TRIM69: variants seen among roughly 807,000 people sequenced by gnomAD.
The protein encoded by TRIM69 is tripartite motif containing 69, also known as E3 ubiquitin-protein ligase TRIM69.
TRIM69 carries 29 observed loss-of-function variants against 37.7 expected under a neutral mutation model. The observed-to-expected ratio is 0.77, with a 90% confidence interval of 0.57 to 1.05. TRIM69 has a LOEUF of 1.05. Ranked by LOEUF, TRIM69 falls within the 50% of genes least tolerant of loss-of-function variation. TRIM69 has a pLI of 0.00. For synonymous variants in TRIM69, 209 were observed against 212.4 expected (o/e 0.98, Z 0.14); for missense variants, 596 against 579.9 (o/e 1.03, Z -0.28).
At chr15:44,741,489 A>G (rs2087284718) in intron 1 of TRIM69, among the ~76,000 whole-genome samples, 2 of 152,250 alleles carry the variant, frequency 1.3e-5, no homozygotes, top group African/African-American at 4.8e-5. Context: ...AAGGAAAAAG[A>G]GACACAATAA....
chr15:44,755,300 A>G lies in TRIM69; in HGVS notation c.407A>G (p.Gln136Arg). 6.2e-7 allele frequency: 1 copy of G among 1,614,192 alleles called. No individual in the cohort carries two copies. Among genetic ancestry groups the G allele is most frequent in the Non-Finnish European group, 8.5e-7 (1 of 1,180,030 alleles). The change falls in exon 2 of 7, where the codon CAA becomes CGA. Residue 136 changes from glutamine to arginine, a missense_variant. By Grantham distance (43) the Gln-to-Arg change is conservative. Transcript: ENST00000329464. ...SKPDGKLICFQCKDARLSVGQ... is the reference protein window; with the variant it reads ...SKPDGKLICFRCKDARLSVGQ... ...CCAGATGGGAAACTGATCTGCTTTCAATGCAAGGATGCTCGGTTGTCTGTG... is the reference window on the plus strand; with the variant it reads ...CCAGATGGGAAACTGATCTGCTTTCGATGCAAGGATGCTCGGTTGTCTGTG...
intron 6 of TRIM69, among the ~76,000 whole-genome samples, chr15:44,761,702 T>C (rs1216287278): frequency 6.6e-6 from 1 of 152,226 alleles, no homozygotes; most frequent in East Asian, 1.9e-4. Context: ...TGGCCTTAAG[T>C]GATCCATCCA....
chr15:44,758,823 C>A lies in TRIM69; in HGVS notation c.782C>A (p.Thr261Lys), dbSNP rs139044725. Reference sequence around the variant, plus strand: ...ATGTTGGTGAGCATTCAGGCAAAGACGGAACAACAGAACTCCTTCGACTTT... The same window carrying A: ...ATGTTGGTGAGCATTCAGGCAAAGAAGGAACAACAGAACTCCTTCGACTTT... ...KDMLVSIQAK[T>K]EQQNSFDFLK... Residue 261 changes from threonine to lysine, a missense_variant, in exon 4 of 7, where the codon ACG (threonine) becomes AAG (lysine). Coordinates refer to ENST00000329464, the MANE Select transcript of TRIM69 (RefSeq NM_182985.5). 124 of 1,613,828 alleles carry A rather than the reference C, an allele frequency of 7.7e-5. No homozygotes were observed. The highest frequency in any genetic ancestry group is 1.1e-4 in the Non-Finnish European group (124 of 1,179,892).
chr15:44,767,053 CAAAAA>C lies in TRIM69; in HGVS notation c.962-151_962-147del, dbSNP rs55736812. On this transcript the variant is annotated intron_variant, in intron 6 of 6. Transcript: ENST00000329464. ...CAGCCCTGGGCAACCTTGTCTGCCT[CAAAAA>C]AAAAAAAAAAAAAAAAAAAAAAAAA... Among the ~76,000 whole-genome samples the C allele has an allele frequency of 5.8e-4, 14 of 24,312 alleles. No homozygotes were observed. In the South Asian group the frequency reaches 0.012, roughly 20 times the overall value. 15.9% of individuals were successfully genotyped at this position (24,312 alleles called of 152,430 possible).
chr15:44,750,276 T>G (rs928272817), intron 1 of TRIM69, among the ~76,000 whole-genome samples: 7 of 152,250 alleles, frequency 4.6e-5, no homozygotes, highest in Non-Finnish European at 1.0e-4. Flanking sequence ...CAGAATGAAT[T>G]AGGAAGTGTT....
intron 6 of TRIM69, 53 bp downstream of exon 6, chr15:44,759,925 C>A: frequency 1.3e-6 from 2 of 1,572,590 alleles, no homozygotes; most frequent in South Asian, 2.3e-5. Context: ...TACGTTTAAT[C>A]TGTGGGACTT....
chr15:44,740,412 T>C (rs2087256255), intron 1 of TRIM69, among the ~76,000 whole-genome samples: 1 of 152,160 alleles, frequency 6.6e-6, no homozygotes, highest in Non-Finnish European at 1.5e-5. Context: ...AGAAGAAGGC[T>C]TCAGATGATC....
At chr15:44,765,726 C>T (rs1420975171) in intron 6 of TRIM69, among the ~76,000 whole-genome samples, 3 of 151,630 alleles carry the variant, frequency 2.0e-5, no homozygotes, top group African/African-American at 2.4e-5. Context: ...TGCACTCCAG[C>T]CTGGGGGACA....
rs1158517170 is a variant in TRIM69 at position 44,767,587 on chromosome 15, C to A, written c.1318C>A (p.Leu440Ile). Residue 440 changes from leucine to isoleucine, a missense_variant, in exon 7 of 7, where the codon CTC (leucine) becomes ATC (isoleucine). By Grantham distance (5) the Leu-to-Ile change is conservative. Coordinates refer to ENST00000329464, the MANE Select transcript of TRIM69 (RefSeq NM_182985.5). ...TTTCAGTCTGACACTGACTAACAAC[C>A]TCGACAAGGTGGGCATATACCTGGA... ...PSFSLTLTNN[L>I]DKVGIYLDYE... The A allele has an allele frequency of 6.2e-7, 1 of 1,614,194 alleles. No individual in the cohort carries two copies. Among genetic ancestry groups the A allele is most frequent in the Admixed American group, 1.7e-5 (1 of 60,034 alleles).
At chr15:44,759,592 A>G (rs1596033075) in intron 4 of TRIM69, 48 bp from the exon 5 acceptor site, 1 of 1,601,574 alleles carries the variant, frequency 6.2e-7, no homozygotes, top group Non-Finnish European at 8.5e-7. Flanking sequence ...AGAAATTTTG[A>G]GAGTTGATGA....
intron 1 of TRIM69, among the ~76,000 whole-genome samples, chr15:44,748,515 A>G (rs1301149779): frequency 1.3e-5 from 2 of 152,118 alleles, no homozygotes; most frequent in Admixed American, 6.5e-5. Context: ...AAAGCAGGAT[A>G]TTATTCAGTA....
chr15:44,744,200 G>C (rs1348441249), intron 1 of TRIM69, among the ~76,000 whole-genome samples: 1 of 147,146 alleles, frequency 6.8e-6, no homozygotes, highest in Non-Finnish European at 1.5e-5. Flanking sequence ...GTAAACTATT[G>C]CAAGGACAAA....
At chr15:44,746,069 C>CAAGGT (rs60875413) in intron 1 of TRIM69, among the ~76,000 whole-genome samples, 1 of 151,524 alleles carries the variant, frequency 6.6e-6, no homozygotes, top group African/African-American at 2.4e-5. Context: ...AGAGCCACAC[C>CAAGGT]AAGTTATAAT....
In TRIM69 at chr15:44,755,314, C is replaced by G. The variant is rs777717730; in HGVS notation, c.421C>G (p.Arg141Gly). The G allele has an allele frequency of 6.2e-7, 1 of 1,613,920 alleles. No homozygotes were observed. Among genetic ancestry groups the G allele is most frequent in the Non-Finnish European group, 8.5e-7 (1 of 1,180,022 alleles). Reference protein sequence around the residue: ...KLICFQCKDARLSVGQSKEFL... With the variant: ...KLICFQCKDAGLSVGQSKEFL... ...GATCTGCTTTCAATGCAAGGATGCT[C>G]GGTTGTCTGTGGGGCAGTCTAAGGA... is the stretch of plus-strand genomic sequence containing the variant. The change falls in exon 2 of 7, where the codon CGG (arginine) becomes GGG (glycine). Residue 141 changes from arginine (R) to glycine (G), a missense_variant. Physicochemically the swap from Arg to Gly is moderately radical, Grantham distance 125 (BLOSUM62 -2). Transcript: ENST00000329464.
In TRIM69 at chr15:44,765,788, A is replaced by C. The variant is rs74348486; in HGVS notation, c.962-1443A>C. 7.8e-3 allele frequency among the ~76,000 whole-genome samples: 1,124 copies of C among 144,140 alleles called. 5 individuals are homozygous for C. Among genetic ancestry groups the C allele is most frequent in the South Asian group, 0.047 (213 of 4,578 alleles). The allele number at this position is 144,140 out of a possible 152,430, so 94.6% of individuals were successfully genotyped here. ...AAAACAAAACAAACAAACAAACAAAAAAAAAACAGAGAGAGAGAAACTAGA... is the reference window on the plus strand; with the variant it reads ...AAAACAAAACAAACAAACAAACAAACAAAAAACAGAGAGAGAGAAACTAGA... On this transcript the variant is annotated intron_variant, in intron 6 of 6. Coordinates refer to ENST00000329464, the MANE Select transcript of TRIM69 (RefSeq NM_182985.5).
At position 44,750,715 on chromosome 15, in the gene TRIM69, C is replaced by CTTTTTTTTTTTTTTTTTTT. The variant is rs869059418; in HGVS notation, c.7-4176_7-4158dup. Among the ~76,000 whole-genome samples, 14 of 102,838 alleles carry CTTTTTTTTTTTTTTTTTTT rather than the reference C, an allele frequency of 1.4e-4. 7 individuals carry two copies. The highest frequency in any genetic ancestry group is 2.4e-4 in the Admixed American group (2 of 8,358). 67.5% of individuals were successfully genotyped at this position (102,838 alleles called of 152,430 possible). Reference sequence around the variant, plus strand: ...TCGCATTTTTATTTCATTACTTTTTCTTTTTTTTTTTTTTTTTTTTTTTTT... The same window carrying CTTTTTTTTTTTTTTTTTTT: ...TCGCATTTTTATTTCATTACTTTTTCTTTTTTTTTTTTTTTTTTTTTTTTTTTTTTTTTTTTTTTTTTTT... On this transcript the variant is annotated intron_variant, in intron 1 of 6. Transcript: ENST00000329464.
intron 6 of TRIM69, among the ~76,000 whole-genome samples, chr15:44,765,733 G>GA (rs2087871401): frequency 1.3e-5 from 2 of 150,308 alleles, no homozygotes; most frequent in African/African-American, 2.5e-5. Context: ...CAGCCTGGGG[G>GA]ACAGAGCAAG....
At chr15:44,747,761 G>T (rs1015639034) in intron 1 of TRIM69, among the ~76,000 whole-genome samples, 1 of 152,112 alleles carries the variant, frequency 6.6e-6, no homozygotes, top group African/African-American at 2.4e-5. Flanking sequence ...TCAATCAAAA[G>T]CATTTTCACA....
At chr15:44,751,394 G>T (rs1297384402) in intron 1 of TRIM69, among the ~76,000 whole-genome samples, 1 of 152,018 alleles carries the variant, frequency 6.6e-6, no homozygotes, top group African/African-American at 2.4e-5. Flanking sequence ...AGGATTACAG[G>T]CATGAGCCAC....
Sources: allele counts gnomAD v4.1 joint callset (sites outside exome capture counted in the v4.1 genomes callset), GRCh38; gene constraint gnomAD v4.1.1; transcripts MANE v1.5; gene names NCBI Gene and HGNC (gene_info 2026-07-23, HGNC 2026-07-21).